The following DNAH10 variants were observed in gnomAD, a reference collection of about 807,000 sequenced individuals.
DNAH10 encodes the protein dynein axonemal heavy chain 10, also known as axonemal beta dynein heavy chain 10.
In DNAH10, 348 loss-of-function variants were observed where a neutral mutation model predicts 506.6. The ratio of observed to expected loss-of-function variants is 0.69; its 90% CI spans 0.63 to 0.75. The LOEUF (loss-of-function observed/expected upper bound fraction) is 0.75, where lower values mean the gene tolerates loss of function less well. Among genes scored for constraint, DNAH10 ranks in the 30% least tolerant of loss-of-function variants. The probability of loss-of-function intolerance (pLI) is 0.00; values close to 1 mark genes in which losing one functional copy is unlikely to be tolerated. For synonymous variants in DNAH10, 2,059 were observed against 2,198.6 expected, an observed-to-expected ratio of 0.94 and a Z score of 1.78; for missense variants, 5,179 against 5,787.1, an observed-to-expected ratio of 0.89 and a Z score of 3.41.
chr12:123,830,573 GTC>G lies in DNAH10; in HGVS notation c.4421_4422del (p.Ser1474CysfsTer4). On this transcript the variant is annotated frameshift_variant, in exon 26 of 79. Transcript: ENST00000673944. LOFTEE classifies it high-confidence loss of function. ...ATTGGAAAGAACTTATGGAAAAAAC[GTC>G]TGTCTTTTTTGAAATGACCGAAACG... is the stretch of plus-strand genomic sequence containing the variant. ...RHWKELMEKT[S>X]VFFEMTETFT... 4 of 1,613,490 alleles carry G rather than the reference GTC, an allele frequency of 2.5e-6. No individual in the cohort carries two copies. The highest frequency in any genetic ancestry group is 3.4e-6 in the Non-Finnish European group (4 of 1,179,706).
At chr12:123,851,769 C>T (rs1481794706) in intron 35 of DNAH10, among the ~76,000 whole-genome samples, 1 of 152,202 alleles carries the variant, frequency 6.6e-6, no homozygotes, top group Non-Finnish European at 1.5e-5. Context: ...AGAACTATTC[C>T]ATCACCACGA....
intron 35 of DNAH10, among the ~76,000 whole-genome samples, chr12:123,852,870 G>A (rs1439579393): frequency 6.6e-6 from 1 of 152,168 alleles, no homozygotes. Context: ...AACTATGCTT[G>A]GCCCAGTTAC....
In DNAH10 at chr12:123,830,649, G is replaced by C. The variant is rs150228824; in HGVS notation, c.4495G>C (p.Val1499Leu). Residue 1499 changes from valine to leucine, a missense_variant, in exon 26 of 79, where the codon GTT becomes CTT. By Grantham distance (32) the Val-to-Leu change is conservative. Transcript: ENST00000673944. ...FAMELHKHTD[V>L]LNEIVTAAIK... ...TATGGAACTGCACAAACACACAGAT[G>C]TTCTCAATGAGATTGTCACAGCAGC... 1.6e-4 allele frequency: 252 copies of C among 1,613,722 alleles called. 1 individual carries two copies. The East Asian group carries it at 4.3e-3, about 28-fold the overall frequency.
Position 123,838,661 on chromosome 12 carries a change from C to T in DNAH10, c.5108C>T (p.Pro1703Leu), listed in dbSNP as rs1950655134. The change falls in exon 29 of 79, where the codon CCA (proline) becomes CTA (leucine). Residue 1703 changes from proline to leucine, a missense_variant. Physicochemically the swap from Pro to Leu is moderately conservative, Grantham distance 98 (BLOSUM62 -3). Coordinates refer to ENST00000673944, the MANE Select transcript of DNAH10 (RefSeq NM_001372106.1). The stretch of plus-strand genomic sequence containing the variant: ...CTTAGCATTCTGGGGAGCAGCGACC[C>T]ACTCTGCGTCCAGGAGCACATGATC... ...ELLSILGSSD[P>L]LCVQEHMIKM... 2.5e-6 allele frequency: 4 copies of T among 1,613,804 alleles called. No individual in the cohort carries two copies. The Admixed American group carries it at 5.0e-5, about 20-fold the overall frequency.
chr12:123,845,544 TTGGGTACCAGTCCCCGG>T lies in DNAH10; in HGVS notation c.5361-55_5361-39del. On this transcript the variant is annotated intron_variant, in intron 30 of 78. Coordinates refer to ENST00000673944, the MANE Select transcript of DNAH10 (RefSeq NM_001372106.1). ...GAAATAAATTCCTGAAGGGACTGTT[TTGGGTACCAGTCCCCGG>T]ATTGATCAGAGCCTCTTACAGGTGT... 3 of 1,590,986 alleles carry T rather than the reference TTGGGTACCAGTCCCCGG, an allele frequency of 1.9e-6. No individual in the cohort carries two copies. In the Admixed American group the frequency reaches 5.1e-5, roughly 27 times the overall value.
chr12:123,924,322 T>C lies in DNAH10; in HGVS notation c.11656T>C (p.Trp3886Arg). The C allele has an allele frequency of 6.2e-7, 1 of 1,613,254 alleles. No individual in the cohort carries two copies. The highest frequency in any genetic ancestry group is 8.5e-7 in the Non-Finnish European group (1 of 1,179,448). Reference protein sequence around the residue: ...EKSKRKKPCAWLSDQGWEDII... With the variant: ...EKSKRKKPCARLSDQGWEDII... ...AAGCAAAAGAAAAAAGCCCTGCGCT[T>C]GGTTGTCTGACCAAGGATGGGAAGA... Residue 3886 changes from tryptophan (W) to arginine (R), a missense_variant, in exon 67 of 79, where the codon TGG (tryptophan) becomes CGG (arginine). This residue lies in a region of DNAH10 where 4,844 missense variants were observed against 5,430.5 expected (regional missense o/e 0.89). Transcript: ENST00000673944.
intron 65 of DNAH10, among the ~76,000 whole-genome samples, chr12:123,922,047 C>A (rs1954753420): frequency 6.6e-6 from 1 of 151,430 alleles, no homozygotes; most frequent in African/African-American, 2.4e-5. Context: ...ATTGTCTTTT[C>A]TCCAATTTTC....
In DNAH10 at chr12:123,853,879, T is replaced by C. The variant is rs558330740; in HGVS notation, c.6438+527T>C. 6.8e-5 allele frequency among the ~76,000 whole-genome samples: 10 copies of C among 148,072 alleles called. No homozygotes were observed. Among genetic ancestry groups the C allele is most frequent in the African/African-American group, 2.5e-4 (10 of 40,044 alleles). On this transcript the variant is annotated intron_variant, in intron 36 of 78. Transcript: ENST00000673944. This position sits in a 1 kb window ranked among gnomAD's most constrained non-coding sequence, Gnocchi z 4.7. ...GCACGCGCACACACACACGGATACA[T>C]GCACGCGCACACACGTACGCACGCA...
intron 3 of DNAH10, 56 bp downstream of exon 3, chr12:123,771,754 TAGGATTC>T (rs768725539): frequency 2.1e-6 from 3 of 1,420,596 alleles, no homozygotes; most frequent in Non-Finnish European, 2.9e-6. Context: ...TGATGCCCTC[TAGGATTC>T]AGGGTAACTG....
rs1202433697 is a variant in DNAH10, at chr12:123,787,532, T to C, written c.1422-272T>C. Among the ~76,000 whole-genome samples the C allele has an allele frequency of 4.6e-5, 7 of 152,244 alleles. No homozygotes were observed. Among genetic ancestry groups the C allele is most frequent in the Admixed American group, 2.6e-4 (4 of 15,288 alleles). On this transcript the variant is annotated intron_variant, in intron 9 of 78. Coordinates refer to ENST00000673944, the MANE Select transcript of DNAH10 (RefSeq NM_001372106.1). This position sits in a 1 kb window ranked among gnomAD's most constrained non-coding sequence, Gnocchi z 4.6. ...CCTCTGGCCTGGGGCCAAGGCCACC[T>C]GCCCCTTCTGGTGTAGGGAGCGAGG...
At chr12:123,790,416 G>A (rs895206866) in intron 11 of DNAH10, among the ~76,000 whole-genome samples, 3 of 152,296 alleles carry the variant, frequency 2.0e-5, no homozygotes, top group African/African-American at 7.2e-5. Flanking sequence ...TAGGAGTGAA[G>A]TTAAAAGTAA....
intron 48 of DNAH10, 60 bp from the exon 49 acceptor site, chr12:123,879,204 G>C (rs1181365402): frequency 2.1e-6 from 3 of 1,439,108 alleles, no homozygotes; most frequent in Non-Finnish European, 2.9e-6. Context: ...TGTCACAGCC[G>C]TCAGCCCTGG....
Position 123,910,628 on chromosome 12 carries a change from G to T in DNAH10, c.10090G>T (p.Gly3364Cys), listed in dbSNP as rs1954021625. ...GMLKFVEAVM[G>C]YCDVFREIKP... is the part of the protein sequence containing the mutation. Reference sequence around the variant, plus strand: ...GCTGAAATTTGTTGAAGCTGTAATGGGCTACTGTGATGTTTTCAGAGAAAT... The same window carrying T: ...GCTGAAATTTGTTGAAGCTGTAATGTGCTACTGTGATGTTTTCAGAGAAAT... The change falls in exon 59 of 79, where the codon GGC becomes TGC. Residue 3364 changes from glycine (G) to cysteine (C), a missense_variant. Coordinates refer to ENST00000673944, the MANE Select transcript of DNAH10 (RefSeq NM_001372106.1). The T allele has an allele frequency of 3.7e-6, 6 of 1,611,792 alleles. No homozygotes were observed. In the South Asian group the frequency reaches 4.4e-5, roughly 12 times the overall value.
In DNAH10 at chr12:123,787,948, C is replaced by G. The variant is rs976928734; in HGVS notation, c.1566C>G (p.Phe522Leu). 4 of 1,597,824 alleles carry G rather than the reference C, an allele frequency of 2.5e-6. No homozygotes were observed. The highest frequency in any genetic ancestry group is 1.1e-5 in the South Asian group (1 of 88,484). Residue 522 changes from phenylalanine (F) to leucine (L), a missense_variant, in exon 10 of 79, where the codon TTC becomes TTG. Physicochemically the swap from Phe to Leu is conservative, Grantham distance 22. Transcript: ENST00000673944. The surrounding 1 kb of genome is among the most constrained non-coding windows in gnomAD (Gnocchi z 4.6). ...DRWEFDRKRL[F>L]ERTDYMATIC... ...GGGAGTTTGACCGGAAGCGGCTGTTCGAGAGGACGGATTATATGGCCACCA... is the reference window on the plus strand; with the variant it reads ...GGGAGTTTGACCGGAAGCGGCTGTTGGAGAGGACGGATTATATGGCCACCA...
At chr12:123,848,230 C>T (rs1594184724) in intron 33 of DNAH10, 135 bp downstream of exon 33, 1 of 1,321,894 alleles carries the variant, frequency 7.6e-7, no homozygotes, top group East Asian at 2.3e-5. Flanking sequence ...CACCACAGCC[C>T]CAGAACCTAA....
intron 51 of DNAH10, among the ~76,000 whole-genome samples, chr12:123,885,907 A>G (rs1038281132): frequency 2.0e-5 from 3 of 152,168 alleles, no homozygotes; most frequent in African/African-American, 2.4e-5. Flanking sequence ...CCCTTTATAT[A>G]CTTATTGAGT....
In DNAH10 at chr12:123,914,397, C is replaced by T. The variant is rs754218802; in HGVS notation, c.10421C>T (p.Ala3474Val). ...VKLLGDCLLC[A>V]AFLSYEGAFT... ...CTGCTGGGGGACTGCCTGCTCTGCG[C>T]GGCTTTCCTCAGCTACGAGGGAGCC... Residue 3474 changes from alanine (A) to valine (V), a missense_variant, in exon 61 of 79, where the codon GCG (alanine) becomes GTG (valine). Ala to Val is a moderately conservative substitution (Grantham distance 64). Transcript: ENST00000673944. The T allele has an allele frequency of 3.0e-5, 48 of 1,613,508 alleles. No homozygotes were observed. Among genetic ancestry groups the T allele is most frequent in the Middle Eastern group, 1.6e-4 (1 of 6,084 alleles).
At chr12:123,839,660 C>CTTT (rs1341595657) in intron 29 of DNAH10, among the ~76,000 whole-genome samples, 2 of 113,578 alleles carry the variant, frequency 1.8e-5, no homozygotes, top group African/African-American at 6.9e-5. Context: ...ATTTTCTTTT[C>CTTT]TATTTTTTTT....
At position 123,916,747 on chromosome 12, in the gene DNAH10, G is replaced by A. The variant is rs775638017; in HGVS notation, c.11002+11G>A. 11 of 1,596,912 alleles carry A rather than the reference G, an allele frequency of 6.9e-6. No homozygotes were observed. In the African/African-American group the frequency reaches 1.5e-4, roughly 21 times the overall value. Reference sequence around the variant, plus strand: ...TGATCAATTACACTGGTAAGAATGTGTAGAACCTCCACTGCTAATTCAGAT... The same window carrying A: ...TGATCAATTACACTGGTAAGAATGTATAGAACCTCCACTGCTAATTCAGAT... On this transcript the variant is annotated intron_variant, in intron 63 of 78. Transcript: ENST00000673944. This position sits in a 1 kb window ranked among gnomAD's most constrained non-coding sequence, Gnocchi z 4.6.
Sources: allele counts gnomAD v4.1 joint callset (sites outside exome capture counted in the v4.1 genomes callset), GRCh38; gene constraint gnomAD v4.1.1; regional missense constraint gnomAD v4.1.1; non-coding constraint Gnocchi (gnomAD v3.1); transcripts MANE v1.5; gene names NCBI Gene and HGNC (gene_info 2026-07-23, HGNC 2026-07-21).